Variants in NR2F1-AS1 observed in about 807,000 individuals in gnomAD.
The protein encoded by NR2F1-AS1 is NR2F1 antisense RNA 1.
In NR2F1-AS1 at chr5:93,414,721, C is replaced by A. The variant is rs907910416; in HGVS notation, n.639-19179G>T. Among the ~76,000 whole-genome samples, 11 of 152,198 alleles carry A rather than the reference C, an allele frequency of 7.2e-5. 1 individual carries two copies. The East Asian group carries it at 1.9e-3, about 27-fold the overall frequency. On this transcript the variant is annotated intron_variant and non_coding_transcript_variant, in intron 4 of 5. Transcript: ENST00000660523. ...CCTGCCAGAATACCATGGGCTGTTA[C>A]TTGCCTTGAGTTGGAAGCAGTTTGC...
At chr5:93,530,361 C>T (rs1257251638) in intron 4 of NR2F1-AS1, among the ~76,000 whole-genome samples, 3 of 152,080 alleles carry the variant, frequency 2.0e-5, no homozygotes, top group Non-Finnish European at 2.9e-5. Flanking sequence ...GGATTGCAGG[C>T]GATTTGAAGG....
At chr5:93,527,204 TAGAC>T (rs769327861) in intron 4 of NR2F1-AS1, among the ~76,000 whole-genome samples, 120 of 151,920 alleles carry the variant, frequency 7.9e-4, no homozygotes, top group African/African-American at 4.1e-4. Context: ...ACATCAATAA[TAGAC>T]AGACAGAGCC....
chr5:93,534,192 A>C (rs1419388574), intron 4 of NR2F1-AS1, among the ~76,000 whole-genome samples: 1 of 152,184 alleles, frequency 6.6e-6, no homozygotes, highest in Non-Finnish European at 1.5e-5. Context: ...GCACCCTCAC[A>C]AAAATTATCT....
At chr5:93,569,158 G>A (rs1035285945) in intron 1 of NR2F1-AS1, among the ~76,000 whole-genome samples, 1 of 152,018 alleles carries the variant, frequency 6.6e-6, no homozygotes, top group African/African-American at 2.4e-5. Context: ...AGGTTTCAAC[G>A]AGCCTGTCAG....
At chr5:93,547,325 T>C (rs1172738506) in intron 4 of NR2F1-AS1, among the ~76,000 whole-genome samples, 2 of 152,222 alleles carry the variant, frequency 1.3e-5, no homozygotes, top group Admixed American at 1.3e-4. Flanking sequence ...TGTAGACCAT[T>C]AGTTTTAACT....
chr5:93,512,640 G>C (rs1388873877), intron 4 of NR2F1-AS1, among the ~76,000 whole-genome samples: 1 of 152,072 alleles, frequency 6.6e-6, no homozygotes, highest in African/African-American at 2.4e-5. Context: ...AGTCCTGCAA[G>C]CTCCACTCAC....
At chr5:93,569,196 T>C (rs1752685565) in intron 1 of NR2F1-AS1, among the ~76,000 whole-genome samples, 1 of 152,064 alleles carries the variant, frequency 6.6e-6, no homozygotes, top group South Asian at 2.1e-4. Flanking sequence ...ACCCTAAAAT[T>C]TCCCACAGCA....
chr5:93,534,716 G>A (rs890803672), intron 4 of NR2F1-AS1, among the ~76,000 whole-genome samples: 2 of 152,146 alleles, frequency 1.3e-5, no homozygotes, highest in African/African-American at 4.8e-5. Context: ...AGGCAGAGAA[G>A]TAGATCATCC....
intron 4 of NR2F1-AS1, among the ~76,000 whole-genome samples, chr5:93,515,833 TATC>T (rs1412634840): frequency 2.0e-5 from 3 of 151,950 alleles, no homozygotes; most frequent in Non-Finnish European, 4.4e-5. Flanking sequence ...CTCTTTTTTA[TATC>T]ATTTTTACTT....
At chr5:93,560,038 A>G (rs1752451502) in intron 2 of NR2F1-AS1, among the ~76,000 whole-genome samples, 1 of 152,224 alleles carries the variant, frequency 6.6e-6, no homozygotes, top group African/African-American at 2.4e-5. Flanking sequence ...GAACCACAAT[A>G]AAACAAAATA....
At chr5:93,553,626 T>C (rs1752282257) in intron 4 of NR2F1-AS1, 1 of 152,236 alleles carries the variant, frequency 6.6e-6, no homozygotes. Context: ...TGGGTTCAAG[T>C]AATGAAGCAT....
At chr5:93,490,956 G>A (rs1372289117) in intron 4 of NR2F1-AS1, among the ~76,000 whole-genome samples, 1 of 149,840 alleles carries the variant, frequency 6.7e-6, no homozygotes, top group African/African-American at 2.5e-5. Context: ...GGTGGTGGTG[G>A]TGGTGGTTGT....
intron 4 of NR2F1-AS1, among the ~76,000 whole-genome samples, chr5:93,524,471 G>A (rs191664613): frequency 1.3e-5 from 2 of 152,284 alleles, no homozygotes; most frequent in African/African-American, 4.8e-5. Context: ...AACCTAGCAA[G>A]ACAGGCCAAC....
intron 2 of NR2F1-AS1, among the ~76,000 whole-genome samples, chr5:93,559,121 C>T (rs77273260): frequency 6.6e-6 from 1 of 152,354 alleles, no homozygotes; most frequent in African/African-American, 2.4e-5. Context: ...ATTTCATCTA[C>T]ACTGAAAATA....
At chr5:93,470,310 T>C (rs887440566) in intron 4 of NR2F1-AS1, among the ~76,000 whole-genome samples, 52 of 152,044 alleles carry the variant, frequency 3.4e-4, no homozygotes, top group African/African-American at 1.1e-3. Flanking sequence ...TTTGAGAGCA[T>C]ATGACCTTGT....
chr5:93,413,617 G>C (rs1017632085), intron 4 of NR2F1-AS1, among the ~76,000 whole-genome samples: 6 of 152,122 alleles, frequency 3.9e-5, no homozygotes, highest in African/African-American at 1.4e-4. Flanking sequence ...GAACGTATGT[G>C]CATGTATTAA....
intron 4 of NR2F1-AS1, among the ~76,000 whole-genome samples, chr5:93,454,495 G>C (rs1277074225): frequency 6.6e-6 from 1 of 152,084 alleles, no homozygotes; most frequent in Non-Finnish European, 1.5e-5. Flanking sequence ...AAAAACTTTT[G>C]ATCTAATACT....
chr5:93,547,926 A>G (rs1370110910), intron 4 of NR2F1-AS1, among the ~76,000 whole-genome samples: 1 of 152,196 alleles, frequency 6.6e-6, no homozygotes, highest in Non-Finnish European at 1.5e-5. Context: ...CATGTTACAA[A>G]AATGCAAATG....
At chr5:93,415,351 T>C (rs1748947926) in intron 4 of NR2F1-AS1, among the ~76,000 whole-genome samples, 1 of 152,194 alleles carries the variant, frequency 6.6e-6, no homozygotes, top group Admixed American at 6.5e-5. Flanking sequence ...TACCTGAATA[T>C]AGTAAGCATT....
Sources: allele counts gnomAD v4.1 joint callset (sites outside exome capture counted in the v4.1 genomes callset), GRCh38; gene constraint gnomAD v4.1.1; transcripts MANE v1.5; gene names NCBI Gene and HGNC (gene_info 2026-07-23, HGNC 2026-07-21).